The following ETFA variants were observed in gnomAD, a reference collection of about 807,000 sequenced individuals.
The protein encoded by ETFA is electron transfer flavoprotein subunit alpha.
Under a neutral mutation model 46.2 loss-of-function variants are expected in ETFA, and 22 were observed. The observed-to-expected ratio is 0.48, with a 90% CI of 0.34 to 0.68. ETFA has a LOEUF of 0.68. ETFA is among the 30% of genes least tolerant of loss of function. The pLI, the probability that ETFA is intolerant of heterozygous loss-of-function variation, is 0.01. For missense variants in ETFA, 345 were observed against 401.1 expected (o/e 0.86, Z 1.19); for synonymous variants, 131 against 139.9 (o/e 0.94, Z 0.45).
At chr15:76,247,453 T>C in intron 9 of ETFA, among the ~76,000 whole-genome samples, 1 of 152,194 alleles carries the variant, frequency 6.6e-6, no homozygotes, top group East Asian at 1.9e-4. Flanking sequence ...GAGAAAACTG[T>C]CCATCACTTC....
intron 2 of ETFA, among the ~76,000 whole-genome samples, chr15:76,294,969 C>A (rs1026045063): frequency 1.3e-5 from 2 of 152,202 alleles, no homozygotes; most frequent in Admixed American, 1.3e-4. Context: ...TGAGAGGGAA[C>A]TGGTGGCTGA....
At chr15:76,227,027 T>C (rs1333185977) in intron 10 of ETFA, among the ~76,000 whole-genome samples, 5 of 152,134 alleles carry the variant, frequency 3.3e-5, no homozygotes, top group Admixed American at 1.3e-4. Context: ...ACATAGCAAA[T>C]AGATTAATAA....
intron 9 of ETFA, among the ~76,000 whole-genome samples, chr15:76,234,921 G>C (rs1024565579): frequency 6.6e-6 from 1 of 152,204 alleles, no homozygotes; most frequent in African/African-American, 2.4e-5. Flanking sequence ...GTCTAAACTA[G>C]TTACAGTGGG....
chr15:76,251,759 T>C (rs552907712), intron 9 of ETFA, among the ~76,000 whole-genome samples: 1 of 152,296 alleles, frequency 6.6e-6, no homozygotes, highest in Non-Finnish European at 1.5e-5. Flanking sequence ...GTTCTACAAC[T>C]AGATCACTAG....
chr15:76,258,836 G>C (rs1596203536), intron 9 of ETFA: 3 of 610,682 alleles, frequency 4.9e-6, no homozygotes, highest in Middle Eastern at 8.0e-4. Context: ...TGGGTGATTT[G>C]GTCAGTCCAG....
chr15:76,263,780 G>C (rs1482741146), intron 9 of ETFA, among the ~76,000 whole-genome samples: 1 of 152,150 alleles, frequency 6.6e-6, no homozygotes, highest in Non-Finnish European at 1.5e-5. Flanking sequence ...AGGAAGAGGA[G>C]GACGAGTGTA....
intron 9 of ETFA, among the ~76,000 whole-genome samples, chr15:76,243,229 C>T (rs1407126760): frequency 6.6e-6 from 1 of 151,496 alleles, no homozygotes; most frequent in Non-Finnish European, 1.5e-5. Flanking sequence ...CGAGATGGCA[C>T]CACTGCACTC....
chr15:76,285,934 G>C (rs1318375130), intron 6 of ETFA, among the ~76,000 whole-genome samples, 196 bp from the exon 7 acceptor site: 2 of 152,182 alleles, frequency 1.3e-5, no homozygotes, highest in African/African-American at 4.8e-5. Context: ...TGCCACATTA[G>C]CTGTATGACT....
chr15:76,233,550 G>A (rs955613731), intron 9 of ETFA, among the ~76,000 whole-genome samples: 1 of 151,812 alleles, frequency 6.6e-6, no homozygotes, highest in Admixed American at 6.6e-5. Flanking sequence ...GGCTGGTCTC[G>A]AACTCCTGAC....
Position 76,216,476 on chromosome 15 carries a change from A to G in ETFA, c.*83T>C. 9.4e-6 allele frequency: 8 copies of G among 849,286 alleles called. No homozygotes were observed. The highest frequency in any genetic ancestry group is 4.2e-5 in the South Asian group (3 of 70,948). The allele number at this position is 849,286 out of a possible 1,614,324, so 52.6% of individuals were successfully genotyped here. A position where few individuals can be genotyped will look rare whatever the true frequency, so the allele number is the denominator to read the frequency against. On this transcript the variant is annotated 3_prime_UTR_variant, in exon 12 of 12. Coordinates refer to ENST00000557943, the MANE Select transcript of ETFA (RefSeq NM_000126.4). The stretch of plus-strand genomic sequence containing the variant: ...GAAATGTAGCTCTCCATGCTTTCCA[A>G]TGATTGTTATAATACCCACAAATAT...
rs776759882 is a variant in ETFA, at chr15:76,292,703, A to G, written c.187-3T>C. On this transcript the variant is annotated splice_polypyrimidine_tract_variant and splice_region_variant and intron_variant, in intron 2 of 11. Coordinates refer to ENST00000557943, the MANE Select transcript of ETFA (RefSeq NM_000126.4). ...ACTTTACAGAGATCTTGTGCCACCT[A>G]TGATTAAAAGATAAGTTCCTAATTA... is the stretch of plus-strand genomic sequence containing the variant. 6 of 1,602,388 alleles carry G rather than the reference A, an allele frequency of 3.7e-6. No homozygotes were observed. The Admixed American group carries it at 5.0e-5, about 13-fold the overall frequency.
chr15:76,263,143 C>T (rs1188423712), intron 9 of ETFA, among the ~76,000 whole-genome samples: 1 of 152,254 alleles, frequency 6.6e-6, no homozygotes, highest in Admixed American at 6.5e-5. Flanking sequence ...CCCACATCCT[C>T]ACCACCTGTT....
intron 11 of ETFA, chr15:76,217,652 G>A (rs2142101998): frequency 2.2e-6 from 1 of 453,960 alleles, no homozygotes; most frequent in Non-Finnish European, 4.4e-6. Flanking sequence ...GTGACTGCTT[G>A]GACAGAGGAG....
At chr15:76,239,054 A>G (rs1200972660) in intron 9 of ETFA, among the ~76,000 whole-genome samples, 1 of 152,220 alleles carries the variant, frequency 6.6e-6, no homozygotes, top group African/African-American at 2.4e-5. Context: ...ACTAGTCATC[A>G]CAGCTATATG....
chr15:76,305,988 C>T (rs2039936224), intron 1 of ETFA, among the ~76,000 whole-genome samples: 1 of 151,880 alleles, frequency 6.6e-6, no homozygotes, highest in African/African-American at 2.4e-5. Flanking sequence ...GCTGTGACTA[C>T]AGGCACATGA....
chr15:76,286,773 T>C (rs938762918), intron 5 of ETFA, among the ~76,000 whole-genome samples: 1 of 152,204 alleles, frequency 6.6e-6, no homozygotes, highest in African/African-American at 2.4e-5. Flanking sequence ...CTAAAAGGAA[T>C]ATGAACAAAG....
Sources: allele counts gnomAD v4.1 joint callset (sites outside exome capture counted in the v4.1 genomes callset), GRCh38; gene constraint gnomAD v4.1.1; transcripts MANE v1.5; gene names NCBI Gene and HGNC (gene_info 2026-07-23, HGNC 2026-07-21).